The following MRPL35 variants were observed in gnomAD, a reference collection of about 807,000 sequenced individuals.
The protein encoded by MRPL35 is large ribosomal subunit protein bL35m.
MRPL35 carries 18 observed loss-of-function variants against 21.6 expected under a neutral mutation model. The ratio of observed to expected loss-of-function variants is 0.83; its 90% CI spans 0.58 to 1.24. MRPL35 has a LOEUF of 1.24. Among genes scored for constraint, MRPL35 ranks in the 50% most tolerant of loss-of-function variants. The pLI, the probability that MRPL35 is intolerant of heterozygous loss-of-function variation, is 0.00. For missense variants in MRPL35, 223 were observed against 223.2 expected (o/e 1.00, Z 0.01); for synonymous variants, 87 against 86.9 (o/e 1.00, Z -0.01).
rs17438451 is a variant in MRPL35 at position 86,211,477 on chromosome 2, T to C, written c.*809T>C. 362,983 of 985,218 alleles carry C rather than the reference T, an allele frequency of 0.37. 70,267 individuals are homozygous for C. The highest frequency in any genetic ancestry group is 0.67 in the East Asian group (5,864 of 8,802). The allele number at this position is 985,218 out of a possible 1,614,324, so 61.0% of individuals were successfully genotyped here. ...AAACAGTTATGTGAGCAGTTTCACT[T>C]GGAGGTTCACATGGGGTGGCAGCAC... is the stretch of plus-strand genomic sequence containing the variant. On this transcript the variant is annotated 3_prime_UTR_variant, in exon 4 of 4. Coordinates refer to ENST00000337109, the MANE Select transcript of MRPL35 (RefSeq NM_016622.4).
At chr2:86,202,132 T>C (rs900860686) in intron 1 of MRPL35, among the ~76,000 whole-genome samples, 5 of 152,210 alleles carry the variant, frequency 3.3e-5, no homozygotes, top group Non-Finnish European at 5.9e-5. Flanking sequence ...CTCACAGGCT[T>C]AATCACATGA....
Position 86,212,193 on chromosome 2 carries a change from A to G in MRPL35, c.*1525A>G, listed in dbSNP as rs1673915479. 1.5e-6 allele frequency: 2 copies of G among 1,292,432 alleles called. No homozygotes were observed. Among genetic ancestry groups the G allele is most frequent in the Admixed American group, 7.9e-5 (2 of 25,318 alleles). 80.1% of individuals were successfully genotyped at this position (1,292,432 alleles called of 1,614,324 possible). ...TGTTGTTAGTAAAATTATGAAATTGAAGTTCTGCAGCATGTCAGGCCAGGA... is the reference window on the plus strand; with the variant it reads ...TGTTGTTAGTAAAATTATGAAATTGGAGTTCTGCAGCATGTCAGGCCAGGA... On this transcript the variant is annotated 3_prime_UTR_variant, in exon 4 of 4. Transcript: ENST00000337109.
At chr2:86,203,080 CTTTT>C (rs35289845) in intron 1 of MRPL35, among the ~76,000 whole-genome samples, 2 of 132,026 alleles carry the variant, frequency 1.5e-5, no homozygotes, top group South Asian at 2.5e-4. Context: ...GTGGGAAATT[CTTTT>C]TTTTTTTTTT....
At position 86,212,853 on chromosome 2, in the gene MRPL35, G is replaced by A. The variant is rs753368283; in HGVS notation, c.*2185G>A. ...TAAAGAGTTTACCTAAATGATGTTC[G>A]ATTATATGTATAATTTATAAAATAT... On this transcript the variant is annotated 3_prime_UTR_variant, in exon 4 of 4. Coordinates refer to ENST00000337109, the MANE Select transcript of MRPL35 (RefSeq NM_016622.4). The A allele has an allele frequency of 1.5e-5, 14 of 927,058 alleles. No homozygotes were observed. The highest frequency in any genetic ancestry group is 3.6e-5 in the African/African-American group (2 of 56,074). The allele number at this position is 927,058 out of a possible 1,614,324, so 57.4% of individuals were successfully genotyped here.
chr2:86,206,010 T>G, intron 1 of MRPL35, 96 bp from the exon 2 acceptor site: 1 of 1,087,438 alleles, frequency 9.2e-7, no homozygotes, highest in Non-Finnish European at 1.4e-6. Flanking sequence ...GCACGTTAAT[T>G]ATGTTTAATA....
chr2:86,205,402 AGGAGTT>A (rs1177631749), intron 1 of MRPL35, among the ~76,000 whole-genome samples: 2 of 135,302 alleles, frequency 1.5e-5, no homozygotes, highest in Non-Finnish European at 3.4e-5. Context: ...TAGGCTGAGG[AGGAGTT>A]GGTTTTGCTC....
chr2:86,206,518 A>G (rs1673797343), intron 2 of MRPL35, among the ~76,000 whole-genome samples: 3 of 152,098 alleles, frequency 2.0e-5, no homozygotes, highest in Admixed American at 1.3e-4. Context: ...GGTAGAGTCT[A>G]TTTCAATAAA....
chr2:86,204,616 T>C (rs7563209), intron 1 of MRPL35, among the ~76,000 whole-genome samples: 6,736 of 152,112 alleles, frequency 0.044, 518 homozygotes, highest in African/African-American at 0.15. Flanking sequence ...AGTCTGGCCA[T>C]AGTGGGAAGG....
In MRPL35 at chr2:86,212,839, C is replaced by A; in HGVS notation, c.*2171C>A. ...TAAATGTCTTTCATTAAAGAGTTTA[C>A]CTAAATGATGTTCGATTATATGTAT... On this transcript the variant is annotated 3_prime_UTR_variant, in exon 4 of 4. Coordinates refer to ENST00000337109, the MANE Select transcript of MRPL35 (RefSeq NM_016622.4). 1 of 978,252 alleles carries A rather than the reference C, an allele frequency of 1.0e-6. No homozygotes were observed. Among genetic ancestry groups the A allele is most frequent in the East Asian group, 1.0e-4 (1 of 9,840 alleles). 60.6% of individuals were successfully genotyped at this position (978,252 alleles called of 1,614,324 possible).
Position 86,212,646 on chromosome 2 carries a change from G to C in MRPL35, c.*1978G>C. The C allele has an allele frequency of 1.5e-6, 2 of 1,357,064 alleles. No individual in the cohort carries two copies. The highest frequency in any genetic ancestry group is 1.9e-5 in the South Asian group (1 of 53,574). The allele number at this position is 1,357,064 out of a possible 1,614,324, so 84.1% of individuals were successfully genotyped here. A position where few individuals can be genotyped will look rare whatever the true frequency, so the allele number is the denominator to read the frequency against. On this transcript the variant is annotated 3_prime_UTR_variant, in exon 4 of 4. Transcript: ENST00000337109. Reference sequence around the variant, plus strand: ...ACCTTCGTTTCTCCTCTAGACCAGGGACAGGTGTAGAGATAAGGACTGGCA... The same window carrying C: ...ACCTTCGTTTCTCCTCTAGACCAGGCACAGGTGTAGAGATAAGGACTGGCA...
At position 86,199,497 on chromosome 2, in the gene MRPL35, G is replaced by C. The variant is rs777800614; in HGVS notation, c.7G>C (p.Ala3Pro). 2.5e-6 allele frequency: 4 copies of C among 1,614,188 alleles called. No homozygotes were observed. Among genetic ancestry groups the C allele is most frequent in the South Asian group, 2.2e-5 (2 of 91,086 alleles). MAASAFAGAVRAA... is the reference protein window; with the variant it reads MAPSAFAGAVRAA... ...GCCGTAGGCGAAGGTGAAGATGGCT[G>C]CCTCTGCCTTTGCTGGTGCAGTGAG... The change falls in exon 1 of 4, where the codon GCC becomes CCC. Residue 3 changes from alanine (A) to proline (P), a missense_variant. By Grantham distance (27) the Ala-to-Pro change is conservative (BLOSUM62 -1). Transcript: ENST00000337109.
At chr2:86,205,797 G>A (rs1673777414) in intron 1 of MRPL35, among the ~76,000 whole-genome samples, 2 of 152,214 alleles carry the variant, frequency 1.3e-5, no homozygotes, top group African/African-American at 4.8e-5. Context: ...TAAGATCTGG[G>A]AGGTGGGAAT....
intron 3 of MRPL35, among the ~76,000 whole-genome samples, chr2:86,207,706 G>T (rs1430461131): frequency 6.6e-6 from 1 of 152,270 alleles, no homozygotes; most frequent in East Asian, 1.9e-4. Context: ...AGGCACTGTA[G>T]CTCATGCCTG....
intron 3 of MRPL35, among the ~76,000 whole-genome samples, chr2:86,209,065 T>G (rs927136334): frequency 2.7e-4 from 41 of 152,062 alleles, no homozygotes; most frequent in African/African-American, 9.4e-4. Context: ...ATAAATTAGG[T>G]GTTTGTACGT....
At chr2:86,208,749 A>T (rs1673849652) in intron 3 of MRPL35, among the ~76,000 whole-genome samples, 1 of 152,034 alleles carries the variant, frequency 6.6e-6, no homozygotes, top group South Asian at 2.1e-4. Context: ...GGACCCGATC[A>T]TACTCTCCAG....
intron 1 of MRPL35, among the ~76,000 whole-genome samples, chr2:86,204,709 A>G (rs1322362490): frequency 6.6e-6 from 1 of 151,990 alleles, no homozygotes; most frequent in Non-Finnish European, 1.5e-5. Flanking sequence ...ACTGCCCACT[A>G]CTTCTCCCCA....
At chr2:86,199,924 G>T (rs1558852940) in intron 1 of MRPL35, among the ~76,000 whole-genome samples, 2 of 152,180 alleles carry the variant, frequency 1.3e-5, no homozygotes, top group African/African-American at 2.4e-5. Context: ...CCTCTAAAAT[G>T]GGGGTCATAA....
Position 86,213,568 on chromosome 2 carries a change from A to G in MRPL35, c.*2900A>G. The G allele has an allele frequency of 3.9e-6, 6 of 1,535,788 alleles. No homozygotes were observed. The highest frequency in any genetic ancestry group is 1.4e-5 in the African/African-American group (1 of 72,384). ...TTGAGTCTGCCTGTTCAGATGTGAA[A>G]GGTAAGGGCTGCAGCAGGTTTAAGG... On this transcript the variant is annotated 3_prime_UTR_variant, in exon 4 of 4. Coordinates refer to ENST00000337109, the MANE Select transcript of MRPL35 (RefSeq NM_016622.4).
Position 86,213,399 on chromosome 2 carries a change from C to T in MRPL35, c.*2731C>T. The T allele has an allele frequency of 1.6e-6, 2 of 1,271,220 alleles. No homozygotes were observed. Among genetic ancestry groups the T allele is most frequent in the Non-Finnish European group, 2.0e-6 (2 of 1,009,390 alleles). 78.7% of individuals were successfully genotyped at this position (1,271,220 alleles called of 1,614,324 possible). On this transcript the variant is annotated 3_prime_UTR_variant, in exon 4 of 4. Transcript: ENST00000337109. ...TCCTGCTTTTAGTCCTCTGAATCTGCTTCTTTTCTTACTGCTGCTTTATTT... is the reference window on the plus strand; with the variant it reads ...TCCTGCTTTTAGTCCTCTGAATCTGTTTCTTTTCTTACTGCTGCTTTATTT...
Sources: gnomAD v4.1 joint callset for allele counts (sites outside exome capture counted in the v4.1 genomes callset) on GRCh38, gnomAD v4.1.1 for gene constraint, MANE v1.5 for transcripts, NCBI Gene and HGNC (gene_info 2026-07-23, HGNC 2026-07-21) for gene names.